The following DOCK3 variants were observed in gnomAD, a reference collection of about 807,000 sequenced individuals.
DOCK3 encodes the protein dedicator of cytokinesis 3.
A neutral mutation model predicts 265.6 loss-of-function variants in DOCK3; 60 were observed. That is an observed-to-expected ratio of 0.23 (90% CI 0.18 to 0.28). DOCK3 has a LOEUF of 0.28. DOCK3 is among the 10% of genes least tolerant of loss of function. DOCK3 has a pLI of 1.00. For synonymous variants in DOCK3, 881 were observed against 938.0 expected (o/e 0.94, Z 1.11); for missense variants, 1,981 against 2,594.3 (o/e 0.76, Z 5.14).
chr3:50,815,035 G>A (rs2043996138), intron 2 of DOCK3, among the ~76,000 whole-genome samples: 1 of 151,984 alleles, frequency 6.6e-6, no homozygotes, highest in African/African-American at 2.4e-5. Context: ...ATGTTGGCCA[G>A]GATGGTCTTG....
intron 49 of DOCK3, among the ~76,000 whole-genome samples, chr3:51,368,364 C>A (rs759146593): frequency 6.6e-6 from 1 of 152,180 alleles, no homozygotes; most frequent in Non-Finnish European, 1.5e-5. Context: ...CCTAATACTG[C>A]GCTTTTCCAG....
At chr3:51,324,367 A>T (rs1026395792) in intron 32 of DOCK3, among the ~76,000 whole-genome samples, 10 of 152,226 alleles carry the variant, frequency 6.6e-5, no homozygotes, top group Admixed American at 3.3e-4. Flanking sequence ...ATTATAAGGG[A>T]TGTGAAGGAC....
intron 4 of DOCK3, among the ~76,000 whole-genome samples, chr3:50,927,366 G>A (rs1017758721): frequency 2.0e-5 from 3 of 152,146 alleles, no homozygotes; most frequent in Non-Finnish European, 4.4e-5. Context: ...ACAACAGGAT[G>A]TCTATAGCTA....
chr3:50,982,904 T>C (rs60292376), intron 5 of DOCK3, among the ~76,000 whole-genome samples: 14,447 of 151,988 alleles, frequency 0.095, 858 homozygotes, highest in Non-Finnish European at 0.12. Context: ...GAGCCCCACT[T>C]TCCCAGGTGC....
chr3:50,987,921 C>A (rs1291368367), intron 5 of DOCK3, among the ~76,000 whole-genome samples: 1 of 152,190 alleles, frequency 6.6e-6, no homozygotes, highest in South Asian at 2.1e-4. Context: ...GTTGCTAAAG[C>A]ATTCATGGAG....
chr3:51,100,703 A>G (rs539885314), intron 9 of DOCK3, among the ~76,000 whole-genome samples: 4 of 152,366 alleles, frequency 2.6e-5, no homozygotes, highest in Admixed American at 6.5e-5. Flanking sequence ...ATTCTCTACA[A>G]TGTAACATTT....
intron 3 of DOCK3, among the ~76,000 whole-genome samples, chr3:50,889,475 T>A (rs1031584712): frequency 2.2e-4 from 33 of 151,816 alleles, no homozygotes; most frequent in Admixed American, 8.5e-4. Context: ...TTTTTTTTTT[T>A]AAATACGCTA....
At chr3:51,229,448 CT>C in intron 18 of DOCK3, 63 bp from the exon 19 acceptor site, 1 of 1,128,616 alleles carries the variant, frequency 8.9e-7, no homozygotes, top group Non-Finnish European at 1.2e-6. Context: ...GAGACTCCGT[CT>C]AAAAAAAAAA....
At position 51,362,552 on chromosome 3, in the gene DOCK3, A is replaced by C; in HGVS notation, c.5171A>C (p.Gln1724Pro). 6.2e-7 allele frequency: 1 copy of C among 1,613,938 alleles called. No individual in the cohort carries two copies. The highest frequency in any genetic ancestry group is 8.5e-7 in the Non-Finnish European group (1 of 1,179,888). ...CTCGCGTATCCCAACCCCAGGTACC[A>C]AGGCTCAGTCACCAACGTCTCTGTT... ...MQLAYPNPRY[Q>P]GSVTNVSVLS... The change falls in exon 49 of 53, where the codon CAA becomes CCA. Residue 1724 changes from glutamine to proline, a missense_variant. Around this residue, in one of 4 missense-constraint regions of DOCK3, gnomAD observed 1,357 missense variants for 1,866.8 expected, o/e 0.73. Coordinates refer to ENST00000266037, the MANE Select transcript of DOCK3 (RefSeq NM_004947.5).
At chr3:50,796,672 CTT>C (rs2042804538) in intron 2 of DOCK3, among the ~76,000 whole-genome samples, 1 of 152,116 alleles carries the variant, frequency 6.6e-6, no homozygotes, top group Non-Finnish European at 1.5e-5. Context: ...GGCACTCTGA[CTT>C]TTTGAGTTGT....
chr3:50,986,927 G>A (rs1218177659), intron 5 of DOCK3, among the ~76,000 whole-genome samples: 1 of 152,176 alleles, frequency 6.6e-6, no homozygotes, highest in Non-Finnish European at 1.5e-5. Context: ...TAAGGTGCTG[G>A]AGCCTGGAAA....
intron 1 of DOCK3, among the ~76,000 whole-genome samples, chr3:50,722,075 T>A (rs1372739579): frequency 6.6e-6 from 1 of 152,178 alleles, no homozygotes; most frequent in Non-Finnish European, 1.5e-5. Flanking sequence ...ATGGGGTTTT[T>A]ACTTAAGTGC....
intron 3 of DOCK3, among the ~76,000 whole-genome samples, chr3:50,855,145 A>AT (rs1288541915): frequency 6.6e-6 from 1 of 151,812 alleles, no homozygotes; most frequent in African/African-American, 2.4e-5. Flanking sequence ...TTTTTCAATT[A>AT]TTTTTTCTAA....
intron 1 of DOCK3, among the ~76,000 whole-genome samples, chr3:50,684,904 G>A (rs138074606): frequency 1.3e-3 from 192 of 151,480 alleles, no homozygotes; most frequent in African/African-American, 4.2e-3. Context: ...ATTACATAAC[G>A]TATATATCAT....
At chr3:51,186,822 C>A (rs2087632301) in intron 12 of DOCK3, among the ~76,000 whole-genome samples, 1 of 152,230 alleles carries the variant, frequency 6.6e-6, no homozygotes, top group East Asian at 1.9e-4. Context: ...TGCCAGCGCA[C>A]AGAAGTCAAG....
At chr3:50,693,343 G>A (rs1366688033) in intron 1 of DOCK3, among the ~76,000 whole-genome samples, 1 of 152,094 alleles carries the variant, frequency 6.6e-6, no homozygotes. Flanking sequence ...ACAATGTTAA[G>A]TCTTCCAATC....
In DOCK3 at chr3:51,012,452, A is replaced by G. The variant is rs200062844; in HGVS notation, c.316-51996A>G. The stretch of plus-strand genomic sequence containing the variant: ...GGGTGTGGGACCCTCCAAGCCAGGC[A>G]CAGGATATAATCTCCTCGTGTCCGT... On this transcript the variant is annotated intron_variant, in intron 5 of 52. Coordinates refer to ENST00000266037, the MANE Select transcript of DOCK3 (RefSeq NM_004947.5). Among the ~76,000 whole-genome samples, 8 of 152,334 alleles carry G rather than the reference A, an allele frequency of 5.3e-5. No homozygotes were observed. In the East Asian group the frequency reaches 1.3e-3, roughly 26 times the overall value.
At chr3:50,792,575 C>T (rs185906667) in intron 2 of DOCK3, among the ~76,000 whole-genome samples, 4 of 152,226 alleles carry the variant, frequency 2.6e-5, no homozygotes, top group East Asian at 3.9e-4. Flanking sequence ...TTGGTTATGA[C>T]GTTGGCTGTG....
intron 5 of DOCK3, among the ~76,000 whole-genome samples, chr3:51,055,003 A>C (rs202187387): frequency 6.6e-6 from 1 of 152,094 alleles, no homozygotes; most frequent in East Asian, 1.9e-4. Flanking sequence ...GTCCATTCAT[A>C]TTTAAGAATG....
Sources: gnomAD v4.1 joint callset for allele counts (sites outside exome capture counted in the v4.1 genomes callset) on GRCh38, gnomAD v4.1.1 for gene constraint, gnomAD v4.1.1 regional missense constraint, MANE v1.5 for transcripts, NCBI Gene and HGNC (gene_info 2026-07-23, HGNC 2026-07-21) for gene names.